LASP1: variants seen among roughly 807,000 people sequenced by gnomAD.
The protein encoded by LASP1 is LIM and SH3 domain protein 1.
In LASP1, 10 loss-of-function variants were observed where a neutral mutation model predicts 38.6. The ratio of observed to expected loss-of-function variants is 0.26; its 90% confidence interval spans 0.16 to 0.44. The LOEUF (loss-of-function observed/expected upper bound fraction) is 0.44. Among genes scored for constraint, LASP1 ranks in the 20% least tolerant of loss-of-function variants. The pLI is 1.00. For synonymous variants in LASP1, 132 were observed against 140.8 expected (o/e 0.94, Z 0.44); for missense variants, 243 against 375.7 (o/e 0.65, Z 2.92).
chr17:38,897,493 G>GT (rs1914521201), intron 3 of LASP1, among the ~76,000 whole-genome samples: 1 of 152,246 alleles, frequency 6.6e-6, no homozygotes, highest in Non-Finnish European at 1.5e-5. Flanking sequence ...CCAAGGAATA[G>GT]TTTCCTGTTC....
At chr17:38,892,950 CGTGTGTGTAT>C (rs1914378672) in intron 3 of LASP1, among the ~76,000 whole-genome samples, 1 of 152,066 alleles carries the variant, frequency 6.6e-6, no homozygotes, top group South Asian at 2.1e-4. Flanking sequence ...AGAGCGTGTC[CGTGTGTGTAT>C]GTGTGTGTGT....
rs533090026 is a variant in LASP1 at position 38,872,669 on chromosome 17, T to C, written c.69+2411T>C. Among the ~76,000 whole-genome samples, 10 of 152,246 alleles carry C rather than the reference T, an allele frequency of 6.6e-5. No individual in the cohort carries two copies. In the East Asian group the frequency reaches 1.7e-3, roughly 26 times the overall value. Reference sequence around the variant, plus strand: ...TAGGCAGCTTCAGTCCCATAGTTGCTAACCAACTTCCCAAGGCCTCCCATT... The same window carrying C: ...TAGGCAGCTTCAGTCCCATAGTTGCCAACCAACTTCCCAAGGCCTCCCATT... On this transcript the variant is annotated intron_variant, in intron 1 of 6. Coordinates refer to ENST00000318008, the MANE Select transcript of LASP1 (RefSeq NM_006148.4).
intron 2 of LASP1, among the ~76,000 whole-genome samples, chr17:38,884,851 C>T (rs990068322): frequency 4.0e-5 from 6 of 151,866 alleles, no homozygotes; most frequent in South Asian, 4.2e-4. Flanking sequence ...TCACCACGCC[C>T]GGCTAATTTT....
intron 1 of LASP1, among the ~76,000 whole-genome samples, chr17:38,877,146 T>C (rs1051655401): frequency 2.2e-4 from 34 of 152,182 alleles, no homozygotes; most frequent in African/African-American, 7.7e-4. Flanking sequence ...GCACCTGACA[T>C]CTGAGTGCTC....
intron 3 of LASP1, among the ~76,000 whole-genome samples, chr17:38,897,298 G>A (rs1253062230): frequency 1.3e-5 from 2 of 152,250 alleles, no homozygotes; most frequent in Non-Finnish European, 2.9e-5. Flanking sequence ...ATGCGCATGC[G>A]CAGTCGCTCC....
chr17:38,902,995 G>C (rs564401699), intron 4 of LASP1, among the ~76,000 whole-genome samples: 12 of 152,280 alleles, frequency 7.9e-5, no homozygotes, highest in African/African-American at 2.9e-4. Context: ...GAGCCACTGT[G>C]CCCAGCTGAC....
intron 2 of LASP1, among the ~76,000 whole-genome samples, chr17:38,885,576 C>T (rs1374485700): frequency 1.3e-5 from 2 of 152,164 alleles, no homozygotes; most frequent in East Asian, 3.9e-4. Context: ...AACAAGGGGC[C>T]AGTACAGGCT....
chr17:38,894,447 T>C (rs1011000845), intron 3 of LASP1, among the ~76,000 whole-genome samples: 12 of 152,222 alleles, frequency 7.9e-5, no homozygotes. Context: ...ACCAGCTGTG[T>C]GACCTTGGGC....
At chr17:38,883,830 C>T (rs1478825439) in intron 2 of LASP1, among the ~76,000 whole-genome samples, 4 of 142,178 alleles carry the variant, frequency 2.8e-5, no homozygotes, top group African/African-American at 1.1e-4. Context: ...TTTGACTGCT[C>T]TTTTTTTTCC....
chr17:38,894,888 T>C (rs1914442214), intron 3 of LASP1, among the ~76,000 whole-genome samples: 1 of 151,996 alleles, frequency 6.6e-6, no homozygotes, highest in African/African-American at 2.4e-5. Context: ...CAGGCGTGCA[T>C]CACCATGCCC....
chr17:38,885,247 C>G (rs530477995), intron 2 of LASP1, among the ~76,000 whole-genome samples: 1 of 152,296 alleles, frequency 6.6e-6, no homozygotes, highest in African/African-American at 2.4e-5. Flanking sequence ...GTCCTTGACA[C>G]TGGACCTCAG....
At chr17:38,876,156 G>A (rs1340115914) in intron 1 of LASP1, among the ~76,000 whole-genome samples, 4 of 151,464 alleles carry the variant, frequency 2.6e-5, no homozygotes, top group Non-Finnish European at 4.4e-5. Flanking sequence ...CTGCCACGTG[G>A]AGCCTGTTAG....
chr17:38,898,680 G>A, intron 4 of LASP1, 161 bp downstream of exon 4: 1 of 681,726 alleles, frequency 1.5e-6, no homozygotes, highest in Non-Finnish European at 2.7e-6. Context: ...GTTCCCAGAT[G>A]CCTCTTCTCT....
At chr17:38,898,856 CAAAACTGGGGGGCGGGG>C (rs1024578843) in intron 4 of LASP1, 7 of 428,070 alleles carry the variant, frequency 1.6e-5, no homozygotes, top group Non-Finnish European at 3.3e-5. Flanking sequence ...GCACAAAGGT[CAAAACTGGGGGGCGGGG>C]AGCACCTGGC....
At chr17:38,909,371 G>T (rs1029070562) in intron 4 of LASP1, among the ~76,000 whole-genome samples, 1 of 152,134 alleles carries the variant, frequency 6.6e-6, no homozygotes, top group African/African-American at 2.4e-5. Context: ...ACTTTGGGAG[G>T]CCGAGGTGGG....
rs577986805 is a variant in LASP1, at chr17:38,911,921, G to A, written c.358-2404G>A. Among the ~76,000 whole-genome samples, 43 of 152,274 alleles carry A rather than the reference G, an allele frequency of 2.8e-4. No individual in the cohort carries two copies. The East Asian group carries it at 4.6e-3, about 16-fold the overall frequency. ...CTATCCTTTTGCCTCAGCCTCCCGCGTAGCTGGGATTATAGGCGCCCGTCA... is the reference window on the plus strand; with the variant it reads ...CTATCCTTTTGCCTCAGCCTCCCGCATAGCTGGGATTATAGGCGCCCGTCA... On this transcript the variant is annotated intron_variant, in intron 4 of 6. Transcript: ENST00000318008.
intron 3 of LASP1, chr17:38,897,078 T>G (rs554865092): frequency 5.4e-5 from 53 of 985,456 alleles, no homozygotes; most frequent in Non-Finnish European, 6.3e-5. Context: ...CTAGGCAGGT[T>G]CTGGACTCTT....
intron 4 of LASP1, among the ~76,000 whole-genome samples, chr17:38,911,104 G>T (rs1167541362): frequency 6.6e-6 from 1 of 152,146 alleles, no homozygotes; most frequent in African/African-American, 2.4e-5. Context: ...GAGGCCTGGG[G>T]TGTGCAGTGC....
intron 4 of LASP1, among the ~76,000 whole-genome samples, chr17:38,908,322 C>G (rs150531340): frequency 5.1e-4 from 78 of 152,346 alleles, no homozygotes; most frequent in African/African-American, 1.8e-3. Context: ...CACCTCAGAA[C>G]AAAAGTTGGA....
Sources: allele counts gnomAD v4.1 joint callset (sites outside exome capture counted in the v4.1 genomes callset), GRCh38; gene constraint gnomAD v4.1.1; transcripts MANE v1.5; gene names NCBI Gene and HGNC (gene_info 2026-07-23, HGNC 2026-07-21).